The following USP24 variants were observed in gnomAD, a reference collection of about 807,000 sequenced individuals.
USP24 encodes ubiquitin carboxyl-terminal hydrolase 24.
USP24 carries 97 observed loss-of-function variants against 361.6 expected under a neutral mutation model. The ratio of observed to expected loss-of-function variants is 0.27; its 90% CI spans 0.23 to 0.32. The LOEUF (loss-of-function observed/expected upper bound fraction) is 0.32. Among genes scored for constraint, USP24 ranks in the 10% least tolerant of loss-of-function variants. The pLI, the probability that USP24 is intolerant of heterozygous loss-of-function variation, is 1.00. For missense variants in USP24, 2,353 were observed against 3,165.6 expected (o/e 0.74, Z 6.16); for synonymous variants, 1,098 against 1,124.6 (o/e 0.98, Z 0.47).
At chr1:55,148,273 TAA>T (rs142185905) in intron 17 of USP24, among the ~76,000 whole-genome samples, 188 bp downstream of exon 17, 22 of 137,524 alleles carry the variant, frequency 1.6e-4, no homozygotes, top group Non-Finnish European at 1.6e-4. Context: ...TTAAGGAGAT[TAA>T]AAAAAAAAAA....
chr1:55,170,781 T>A (rs982255479), intron 5 of USP24, among the ~76,000 whole-genome samples: 2 of 152,176 alleles, frequency 1.3e-5, no homozygotes, highest in African/African-American at 4.8e-5. Context: ...CACCTACTAT[T>A]TATTATGCTG....
At chr1:55,082,746 C>T (rs1469205805) in intron 58 of USP24, among the ~76,000 whole-genome samples, 1 of 152,208 alleles carries the variant, frequency 6.6e-6, no homozygotes, top group Non-Finnish European at 1.5e-5. Flanking sequence ...GATTACACCA[C>T]TGTGCTCCAA....
chr1:55,183,653 C>G (rs902701405), intron 1 of USP24, among the ~76,000 whole-genome samples: 3 of 152,126 alleles, frequency 2.0e-5, no homozygotes, highest in African/African-American at 7.2e-5. Context: ...AAATGTAAAT[C>G]CTGTCTTACC....
chr1:55,132,491 G>A (rs905096909), intron 31 of USP24, 54 bp downstream of exon 31: 31 of 1,528,424 alleles, frequency 2.0e-5, no homozygotes, highest in East Asian at 4.6e-5. Context: ...AGCATGAATC[G>A]ATAAATCCAA....
Position 55,139,030 on chromosome 1 carries a change from A to AG in USP24, c.2751-21dup. 1 of 1,552,628 alleles carries AG rather than the reference A, an allele frequency of 6.4e-7. No individual in the cohort carries two copies. The highest frequency in any genetic ancestry group is 1.7e-4 in the Middle Eastern group (1 of 5,856). ...GTAGATCTATAGATTAAAAAAAAAAAGTATTAAAATGTATTTGAAGTGTGA... is the reference window on the plus strand; with the variant it reads ...GTAGATCTATAGATTAAAAAAAAAAAGGTATTAAAATGTATTTGAAGTGTGA... On this transcript the variant is annotated intron_variant, in intron 24 of 67. Coordinates refer to ENST00000294383, the MANE Select transcript of USP24 (RefSeq NM_015306.3).
At chr1:55,136,701 C>T (rs1013372219) in intron 28 of USP24, among the ~76,000 whole-genome samples, 2 of 152,048 alleles carry the variant, frequency 1.3e-5, no homozygotes, top group East Asian at 1.9e-4. Context: ...CTGGCCTGAG[C>T]CAACTAGAAG....
At chr1:55,083,208 A>G in intron 58 of USP24, 64 bp downstream of exon 58, 2 of 1,527,120 alleles carry the variant, frequency 1.3e-6, no homozygotes, top group Admixed American at 3.6e-5. Flanking sequence ...ATCACCTACA[A>G]AAAGAAACAC....
intron 1 of USP24, among the ~76,000 whole-genome samples, chr1:55,181,215 C>T (rs1043200821): frequency 4.6e-5 from 7 of 152,046 alleles, no homozygotes; most frequent in Non-Finnish European, 7.4e-5. Context: ...AACTTCAATG[C>T]CATATCAATG....
intron 11 of USP24, 85 bp downstream of exon 11, chr1:55,157,171 A>G: frequency 1.5e-6 from 2 of 1,358,934 alleles, no homozygotes; most frequent in East Asian, 2.4e-5. Flanking sequence ...ATACAGTCAA[A>G]GCAACAATTT....
rs772558243 is a variant in USP24, at chr1:55,085,962, C to T, written c.6745G>A (p.Ala2249Thr). The change falls in exon 56 of 68, where the codon GCC becomes ACC. Residue 2249 changes from alanine to threonine, a missense_variant. Ala to Thr is a moderately conservative substitution (Grantham distance 58). This residue lies in a region of USP24 where 598 missense variants were observed against 761.9 expected (regional missense o/e 0.78). Transcript: ENST00000294383. ...ATILEKTLDSALFYQDKLKSL... is the reference protein window; with the variant it reads ...ATILEKTLDSTLFYQDKLKSL... ...CCGACCTTATCCTGATAAAACAAGG[C>T]ACTGTCTAGGGTTTTCTCCAGAATG... 6.2e-6 allele frequency: 10 copies of T among 1,613,754 alleles called. No homozygotes were observed. In the East Asian group the frequency reaches 6.7e-5, roughly 11 times the overall value.
intron 1 of USP24, among the ~76,000 whole-genome samples, chr1:55,208,797 G>A (rs1265027581): frequency 7.3e-5 from 11 of 151,404 alleles, no homozygotes; most frequent in East Asian, 5.8e-4. Context: ...TTAGCAGAGC[G>A]TGGTGGCAGG....
chr1:55,089,634 A>G lies in USP24; in HGVS notation c.6661T>C (p.Leu2221=). ...AAAGACTCCAACACTTACTTTATCAATTCTCGTCCTTCAGAACTAATAAAA... is the reference window on the plus strand; with the variant it reads ...AAAGACTCCAACACTTACTTTATCAGTTCTCGTCCTTCAGAACTAATAAAA... The part of the protein sequence containing the change: ...EYFISSEGRE[L]IKIFLLECNV... Residue 2221 remains leucine, a synonymous_variant, in exon 55 of 68, where the codon TTG becomes CTG. Transcript: ENST00000294383. 1.3e-6 allele frequency: 2 copies of G among 1,580,096 alleles called. No individual in the cohort carries two copies. The highest frequency in any genetic ancestry group is 1.7e-6 in the Non-Finnish European group (2 of 1,161,784).
intron 1 of USP24, among the ~76,000 whole-genome samples, chr1:55,203,095 T>C (rs1644618899): frequency 6.6e-6 from 1 of 152,218 alleles, no homozygotes. Flanking sequence ...GGTATGTATA[T>C]ATAGGAAAAC....
At chr1:55,136,465 T>C (rs112359777) in intron 28 of USP24, among the ~76,000 whole-genome samples, 2,141 of 152,238 alleles carry the variant, frequency 0.014, 32 homozygotes, top group African/African-American at 0.047. Flanking sequence ...AGTAAGATCC[T>C]GGGCCACTGG....
chr1:55,110,607 T>C (rs908369186), intron 38 of USP24, among the ~76,000 whole-genome samples: 2 of 152,136 alleles, frequency 1.3e-5, no homozygotes, highest in African/African-American at 2.4e-5. Flanking sequence ...ATTAGTGAAC[T>C]TAAGAAGGGA....
rs1647051710 is a variant in USP24, at chr1:55,147,217, T to G, written c.2119-157A>C. On this transcript the variant is annotated intron_variant, in intron 18 of 67. Transcript: ENST00000294383. ...AAATATTAGAATTCTGTTTACAAAT[T>G]GATAGTACAATGTAATAGAAGCTAT... Among the ~76,000 whole-genome samples the G allele has an allele frequency of 2.6e-5, 4 of 152,210 alleles. No homozygotes were observed. The South Asian group carries it at 8.3e-4, about 31-fold the overall frequency.
intron 17 of USP24, 145 bp from the exon 18 acceptor site, chr1:55,147,943 G>T (rs1021487944): frequency 2.5e-6 from 2 of 798,732 alleles, no homozygotes; most frequent in Non-Finnish European, 3.8e-6. Context: ...CTACACAAAA[G>T]TAAATAAAAT....
intron 1 of USP24, among the ~76,000 whole-genome samples, chr1:55,191,176 A>C (rs566445735): frequency 5.3e-5 from 8 of 152,336 alleles, no homozygotes; most frequent in Admixed American, 6.5e-5. Context: ...TCAGTTGTTC[A>C]AGAAAAATAA....
intron 38 of USP24, among the ~76,000 whole-genome samples, chr1:55,120,186 A>G (rs1646239132): frequency 6.6e-6 from 1 of 152,222 alleles, no homozygotes; most frequent in Non-Finnish European, 1.5e-5. Flanking sequence ...TGAAGCATGT[A>G]TAAAACCAAG....
Sources: gnomAD v4.1 joint callset for allele counts (sites outside exome capture counted in the v4.1 genomes callset) on GRCh38, gnomAD v4.1.1 for gene constraint, gnomAD v4.1.1 regional missense constraint, MANE v1.5 for transcripts, NCBI Gene and HGNC (gene_info 2026-07-23, HGNC 2026-07-21) for gene names.